Variants in GRK3 observed in about 807,000 individuals in gnomAD.
The protein encoded by GRK3 is adrenergic, beta, receptor kinase 2.
GRK3 carries 54 observed loss-of-function variants against 95.7 expected under a neutral mutation model. The observed-to-expected ratio is 0.56, with a 90% confidence interval of 0.45 to 0.71. The LOEUF (loss-of-function observed/expected upper bound fraction) is 0.71, where lower values mean the gene tolerates loss of function less well. Among genes scored for constraint, GRK3 ranks in the 30% least tolerant of loss-of-function variants. GRK3 has a pLI of 0.00. For synonymous variants in GRK3, 281 were observed against 290.8 expected (o/e 0.97, Z 0.34); for missense variants, 649 against 851.2 (o/e 0.76, Z 2.96).
At chr22:25,665,126 C>T (rs79991026) in intron 5 of GRK3, among the ~76,000 whole-genome samples, 2,173 of 152,310 alleles carry the variant, frequency 0.014, 50 homozygotes, top group African/African-American at 0.048. Context: ...AATGACACTG[C>T]GCTCTCCCTG....
At chr22:25,577,768 A>T (rs1931957155) in intron 1 of GRK3, among the ~76,000 whole-genome samples, 1 of 152,234 alleles carries the variant, frequency 6.6e-6, no homozygotes, top group African/African-American at 2.4e-5. Context: ...CCCTGTGCTC[A>T]TAAGCCCAAG....
chr22:25,577,207 C>G lies in GRK3; in HGVS notation c.113+12054C>G, dbSNP rs545314186. ...TTTTTTTTTTTGAGACAGTCTCGCT[C>G]TCTTGCCCAGGCTGGAGTGCAGCGG... is the stretch of plus-strand genomic sequence containing the variant. On this transcript the variant is annotated intron_variant, in intron 1 of 20. Transcript: ENST00000324198. Among the ~76,000 whole-genome samples the G allele has an allele frequency of 7.5e-4, 114 of 151,302 alleles. 1 individual carries two copies. In the South Asian group the frequency reaches 0.022, roughly 29 times the overall value.
intron 2 of GRK3, among the ~76,000 whole-genome samples, chr22:25,629,270 G>A (rs2084648241): frequency 6.6e-6 from 1 of 152,190 alleles, no homozygotes; most frequent in Non-Finnish European, 1.5e-5. Context: ...AAAGAGGTTT[G>A]TGAGAAAGGG....
At chr22:25,685,326 C>A in intron 10 of GRK3, 78 bp downstream of exon 10, 1 of 1,117,090 alleles carries the variant, frequency 9.0e-7, no homozygotes, top group Non-Finnish European at 1.4e-6. Context: ...TTAATCTAGG[C>A]AGACTGGCAA....
intron 2 of GRK3, among the ~76,000 whole-genome samples, chr22:25,616,731 G>A (rs2146352877): frequency 6.6e-6 from 1 of 152,302 alleles, no homozygotes; most frequent in Admixed American, 6.5e-5. Flanking sequence ...AAATTATGTT[G>A]CAGTACAAAA....
intron 2 of GRK3, among the ~76,000 whole-genome samples, chr22:25,608,171 A>T (rs969775117): frequency 6.6e-6 from 1 of 152,220 alleles, no homozygotes; most frequent in Non-Finnish European, 1.5e-5. Flanking sequence ...TAATTTCTAT[A>T]TAAGGATGAG....
At chr22:25,568,918 T>C (rs1330197571) in intron 1 of GRK3, among the ~76,000 whole-genome samples, 6 of 152,230 alleles carry the variant, frequency 3.9e-5, no homozygotes, top group Admixed American at 3.9e-4. Flanking sequence ...CTAAACATAG[T>C]CTCCATGGTG....
intron 16 of GRK3, 106 bp from the exon 17 acceptor site, chr22:25,710,962 T>A (rs1303984658): frequency 1.8e-6 from 1 of 554,118 alleles, no homozygotes; most frequent in Non-Finnish European, 3.2e-6. Flanking sequence ...TGCTGCGCAG[T>A]GGAGCATGCG....
chr22:25,581,199 G>C (rs1347358821), intron 1 of GRK3: 5 of 152,216 alleles, frequency 3.3e-5, no homozygotes, highest in Non-Finnish European at 7.3e-5. Context: ...TTCCAATGAG[G>C]TGCTGAGTGA....
chr22:25,577,489 A>G (rs1421724445), intron 1 of GRK3, among the ~76,000 whole-genome samples: 1 of 152,154 alleles, frequency 6.6e-6, no homozygotes, highest in African/African-American at 2.4e-5. Flanking sequence ...AAGGATTTTT[A>G]ATGTTAAACT....
At chr22:25,619,740 C>T (rs1015362423) in intron 2 of GRK3, among the ~76,000 whole-genome samples, 1 of 147,654 alleles carries the variant, frequency 6.8e-6, no homozygotes, top group Non-Finnish European at 1.5e-5. Flanking sequence ...GATCCTCCTA[C>T]CCTAGCCTCC....
At chr22:25,644,569 A>C in intron 2 of GRK3, 23 bp from the exon 3 acceptor site, 1 of 1,322,906 alleles carries the variant, frequency 7.6e-7, no homozygotes, top group Non-Finnish European at 1.1e-6. Flanking sequence ...CCCACCCTGA[A>C]ATTTTTTATT....
At chr22:25,606,750 A>G (rs374125248) in intron 2 of GRK3, among the ~76,000 whole-genome samples, 3 of 151,980 alleles carry the variant, frequency 2.0e-5, no homozygotes, top group South Asian at 2.1e-4. Context: ...TGTGTGCTGT[A>G]GGCAATTGGT....
At chr22:25,681,017 T>G (rs1415735509) in intron 9 of GRK3, among the ~76,000 whole-genome samples, 1 of 152,060 alleles carries the variant, frequency 6.6e-6, no homozygotes, top group Non-Finnish European at 1.5e-5. Context: ...TAGGAAGTAC[T>G]GTTCCCGGTT....
intron 7 of GRK3, among the ~76,000 whole-genome samples, chr22:25,673,086 G>A (rs1319653097): frequency 1.5e-5 from 2 of 136,034 alleles, no homozygotes; most frequent in East Asian, 4.3e-4. Context: ...TTTTTGAGAC[G>A]AGTCTCGCTC....
At chr22:25,640,793 A>G (rs927019261) in intron 2 of GRK3, among the ~76,000 whole-genome samples, 3 of 152,224 alleles carry the variant, frequency 2.0e-5, no homozygotes, top group African/African-American at 7.2e-5. Flanking sequence ...GTTAATCAAT[A>G]TTCAGCATTT....
rs756942271 is a variant in GRK3, at chr22:25,685,137, C to T, written c.748-33C>T. ...AGATGTGCTTTCTAGGCAGCTTTTG[C>T]TCTTCTTATAAACTTTTATTGTTTC... is the stretch of plus-strand genomic sequence containing the variant. On this transcript the variant is annotated intron_variant, in intron 9 of 20. Coordinates refer to ENST00000324198, the MANE Select transcript of GRK3 (RefSeq NM_005160.4). The T allele has an allele frequency of 3.4e-6, 5 of 1,492,312 alleles. No homozygotes were observed. The African/African-American group carries it at 5.5e-5, about 17-fold the overall frequency. The allele number at this position is 1,492,312 out of a possible 1,614,324, so 92.4% of individuals were successfully genotyped here.
chr22:25,644,815 T>G, intron 3 of GRK3, 150 bp downstream of exon 3: 1 of 476,512 alleles, frequency 2.1e-6, no homozygotes, highest in Non-Finnish European at 3.6e-6. Context: ...AAGTTTGAGA[T>G]GCTAACAGGT....
intron 2 of GRK3, among the ~76,000 whole-genome samples, chr22:25,641,183 T>C (rs967973499): frequency 6.6e-6 from 1 of 152,224 alleles, no homozygotes; most frequent in Non-Finnish European, 1.5e-5. Flanking sequence ...TGTTTTCTAT[T>C]GTGTGTTGAA....
Sources: allele counts gnomAD v4.1 joint callset (sites outside exome capture counted in the v4.1 genomes callset), GRCh38; gene constraint gnomAD v4.1.1; transcripts MANE v1.5; gene names NCBI Gene and HGNC (gene_info 2026-07-23, HGNC 2026-07-21).